The following JARID2 variants were observed in gnomAD, a reference collection of about 807,000 sequenced individuals.
JARID2 encodes protein Jumonji.
JARID2 carries 21 observed loss-of-function variants against 125.6 expected under a neutral mutation model. The ratio of observed to expected loss-of-function variants is 0.17; its 90% CI spans 0.12 to 0.24. The LOEUF (loss-of-function observed/expected upper bound fraction) is 0.24, where lower values mean the gene tolerates loss of function less well. JARID2 is among the 10% of genes least tolerant of loss of function. The pLI, the probability that JARID2 is intolerant of heterozygous loss-of-function variation, is 1.00. For synonymous variants in JARID2, 736 were observed against 661.6 expected (o/e 1.11, Z -1.73); for missense variants, 1,303 against 1,639.6 (o/e 0.79, Z 3.55).
At chr6:15,335,451 C>T (rs576864134) in intron 1 of JARID2, among the ~76,000 whole-genome samples, 34 of 152,330 alleles carry the variant, frequency 2.2e-4, no homozygotes, top group African/African-American at 7.7e-4. Context: ...AGTCACCTTG[C>T]TTCTGGCAGG....
chr6:15,290,842 G>C (rs12209453), intron 1 of JARID2, among the ~76,000 whole-genome samples: 2 of 152,124 alleles, frequency 1.3e-5, no homozygotes, highest in African/African-American at 4.8e-5. Context: ...GTATGGTCTC[G>C]ATCTGCTGAC....
Position 15,496,310 on chromosome 6 carries a change from C to T in JARID2, c.1085C>T (p.Pro362Leu). Residue 362 changes from proline to leucine, a missense_variant, in exon 7 of 18, where the codon CCC (proline) becomes CTC (leucine). By Grantham distance (98) the Pro-to-Leu change is moderately conservative. This residue lies in a region of JARID2 where 651 missense variants were observed against 581.6 expected (regional missense o/e 1.12). Coordinates refer to ENST00000341776, the MANE Select transcript of JARID2 (RefSeq NM_004973.4). ...AGAGAACTGGTCAAGGACACCAAAC[C>T]CAATCACCACAAGCCCAGTTCCGCT... ...AKRELVKDTKPNHHKPSSAVN... is the reference protein window; with the variant it reads ...AKRELVKDTKLNHHKPSSAVN... The T allele has an allele frequency of 1.9e-6, 3 of 1,614,202 alleles. No individual in the cohort carries two copies. Among genetic ancestry groups the T allele is most frequent in the Non-Finnish European group, 2.5e-6 (3 of 1,180,046 alleles).
Position 15,496,923 on chromosome 6 carries a change from G to A in JARID2, c.1698G>A (p.Glu566=). The stretch of plus-strand genomic sequence containing the variant: ...CCGTCCTCAGGCCCTCCGCCAAGGA[G>A]TTCCACGATCCGCTCATCTACATCG... The part of the protein sequence containing the change: ...EIPVLRPSAK[E]FHDPLIYIES... The change falls in exon 7 of 18, where the codon GAG becomes GAA. Residue 566 remains glutamate, a synonymous_variant. Coordinates refer to ENST00000341776, the MANE Select transcript of JARID2 (RefSeq NM_004973.4). 1 of 1,603,104 alleles carries A rather than the reference G, an allele frequency of 6.2e-7. No homozygotes were observed. The highest frequency in any genetic ancestry group is 8.5e-7 in the Non-Finnish European group (1 of 1,172,268).
In JARID2 at chr6:15,452,190, C is replaced by T; in HGVS notation, c.493+15C>T. On this transcript the variant is annotated intron_variant, in intron 4 of 17. Transcript: ENST00000341776. ...CTGCCTTCGAGGTAAGACTTTGCAA[C>T]CATCGGCGGAGGTCTACGTGGAATC... The T allele has an allele frequency of 6.2e-7, 1 of 1,613,252 alleles. No homozygotes were observed. Among genetic ancestry groups the T allele is most frequent in the Non-Finnish European group, 8.5e-7 (1 of 1,179,692 alleles).
At chr6:15,482,025 G>C (rs1041276269) in intron 5 of JARID2, among the ~76,000 whole-genome samples, 1 of 152,164 alleles carries the variant, frequency 6.6e-6, no homozygotes, top group Non-Finnish European at 1.5e-5. Flanking sequence ...TACAATCAAA[G>C]AGTTGTGCAT....
chr6:15,514,302 CAGAG>C (rs1254909266), intron 16 of JARID2, among the ~76,000 whole-genome samples: 1 of 152,250 alleles, frequency 6.6e-6, no homozygotes, highest in Non-Finnish European at 1.5e-5. Flanking sequence ...TAGCCTGGAA[CAGAG>C]AGCATGCCCG....
intron 5 of JARID2, among the ~76,000 whole-genome samples, chr6:15,471,469 GA>G (rs887577472): frequency 2.6e-5 from 4 of 152,152 alleles, no homozygotes; most frequent in Non-Finnish European, 4.4e-5. Flanking sequence ...CTGTATGATA[GA>G]AATCTGTTTC....
At chr6:15,337,666 C>A (rs372887112) in intron 1 of JARID2, among the ~76,000 whole-genome samples, 6 of 152,158 alleles carry the variant, frequency 3.9e-5, no homozygotes, top group African/African-American at 1.4e-4. Context: ...TTTCTCCCCC[C>A]ACCCCCCTGA....
intron 7 of JARID2, among the ~76,000 whole-genome samples, chr6:15,499,422 G>T (rs1375110483): frequency 6.6e-6 from 1 of 152,200 alleles, no homozygotes; most frequent in Non-Finnish European, 1.5e-5. Context: ...TCTTGCAAGC[G>T]CTGTGTGATT....
chr6:15,294,654 C>T (rs1466264953), intron 1 of JARID2, among the ~76,000 whole-genome samples: 1 of 152,106 alleles, frequency 6.6e-6, no homozygotes, highest in Non-Finnish European at 1.5e-5. Context: ...GAGGTTGATG[C>T]AGGACATGGA....
chr6:15,354,730 A>G (rs922178580), intron 1 of JARID2, among the ~76,000 whole-genome samples: 2 of 152,220 alleles, frequency 1.3e-5, no homozygotes, highest in African/African-American at 4.8e-5. Flanking sequence ...GGGTTAGGCC[A>G]CATGACTGGT....
At chr6:15,494,411 G>GTTTTTTTTTTTT (rs1169733078) in intron 6 of JARID2, among the ~76,000 whole-genome samples, 3 of 32,354 alleles carry the variant, frequency 9.3e-5, no homozygotes, top group Non-Finnish European at 1.8e-4. Flanking sequence ...TTTTTGGCAA[G>GTTTTTTTTTTTT]TCTTTTTTTT....
chr6:15,248,210 C>A, intron 1 of JARID2: 1 of 487,994 alleles, frequency 2.0e-6, no homozygotes, highest in Non-Finnish European at 2.6e-6. Context: ...GTCCTCGAGC[C>A]GGCTGCGAAA....
At chr6:15,460,095 G>A (rs1475062422) in intron 4 of JARID2, among the ~76,000 whole-genome samples, 3 of 152,102 alleles carry the variant, frequency 2.0e-5, no homozygotes, top group Admixed American at 6.6e-5. Context: ...TGGCCTTAAC[G>A]TTCTGCATAT....
At chr6:15,391,106 T>C (rs992996225) in intron 2 of JARID2, among the ~76,000 whole-genome samples, 2 of 151,700 alleles carry the variant, frequency 1.3e-5, no homozygotes, top group African/African-American at 4.8e-5. Flanking sequence ...AGCTTTGTCA[T>C]GAAGCAGGAC....
chr6:15,363,276 C>T (rs937408444), intron 1 of JARID2, among the ~76,000 whole-genome samples: 1 of 152,206 alleles, frequency 6.6e-6, no homozygotes, highest in Non-Finnish European at 1.5e-5. Context: ...ACCAGCACTT[C>T]TCACGTGTAA....
At chr6:15,463,047 C>G (rs924681868) in intron 4 of JARID2, among the ~76,000 whole-genome samples, 1 of 152,088 alleles carries the variant, frequency 6.6e-6, no homozygotes, top group African/African-American at 2.4e-5. Context: ...GCATTCCGTA[C>G]TCTGATTGCT....
At chr6:15,290,629 T>C (rs1233908043) in intron 1 of JARID2, among the ~76,000 whole-genome samples, 3 of 151,848 alleles carry the variant, frequency 2.0e-5, no homozygotes, top group South Asian at 2.1e-4. Flanking sequence ...GATGTTTTTT[T>C]CCCCCCCAAG....
At chr6:15,451,888 G>A in intron 3 of JARID2, 118 bp from the exon 4 acceptor site, 1 of 941,890 alleles carries the variant, frequency 1.1e-6, no homozygotes, top group African/African-American at 1.7e-5. Flanking sequence ...TAATTAGGAA[G>A]AGTTTGCTTG....
Sources: gnomAD v4.1 joint callset for allele counts (sites outside exome capture counted in the v4.1 genomes callset) on GRCh38, gnomAD v4.1.1 for gene constraint, gnomAD v4.1.1 regional missense constraint, MANE v1.5 for transcripts, NCBI Gene and HGNC (gene_info 2026-07-23, HGNC 2026-07-21) for gene names.